PCDH9: variants seen among roughly 807,000 people sequenced by gnomAD.
PCDH9 encodes protocadherin 9.
A neutral mutation model predicts 70.6 loss-of-function variants in PCDH9; 24 were observed. The ratio of observed to expected loss-of-function variants is 0.34; its 90% CI spans 0.25 to 0.48. The LOEUF (loss-of-function observed/expected upper bound fraction) is 0.48. Among genes scored for constraint, PCDH9 ranks in the 20% least tolerant of loss-of-function variants. PCDH9 has a pLI of 0.99. For synonymous variants in PCDH9, 562 were observed against 558.5 expected, an observed-to-expected ratio of 1.01 and a Z score of -0.09; for missense variants, 1,281 against 1,503.6, an observed-to-expected ratio of 0.85 and a Z score of 2.45.
intron 4 of PCDH9, among the ~76,000 whole-genome samples, chr13:66,630,503 C>T (rs2077555901): frequency 6.6e-6 from 1 of 152,054 alleles, no homozygotes; most frequent in Non-Finnish European, 1.5e-5. Context: ...GAAAACACCC[C>T]CCAACAATGC....
intron 2 of PCDH9, among the ~76,000 whole-genome samples, chr13:67,154,649 C>T (rs1381907801): frequency 1.6e-5 from 2 of 128,138 alleles, no homozygotes; most frequent in African/African-American, 2.9e-5. Context: ...CACACACATA[C>T]AAGATACTCT....
intron 4 of PCDH9, among the ~76,000 whole-genome samples, chr13:66,354,612 G>A (rs1342131097): frequency 1.3e-5 from 2 of 152,034 alleles, no homozygotes; most frequent in African/African-American, 2.4e-5. Flanking sequence ...AAAAAAGAAT[G>A]CAAAAGAGTG....
At chr13:66,741,798 C>A (rs1213714835) in intron 3 of PCDH9, among the ~76,000 whole-genome samples, 931 of 35,770 alleles carry the variant, frequency 0.026, 42 homozygotes, top group African/African-American at 0.052. Context: ...ATGTGAAGGA[C>A]CTCTTCAAGG....
chr13:66,424,691 C>T (rs536346979), intron 4 of PCDH9, among the ~76,000 whole-genome samples: 2 of 151,902 alleles, frequency 1.3e-5, no homozygotes, highest in Admixed American at 1.3e-4. Flanking sequence ...TTTATATTAC[C>T]AGAACAAAAT....
chr13:66,893,407 C>T (rs548744057), intron 3 of PCDH9, among the ~76,000 whole-genome samples: 2 of 152,226 alleles, frequency 1.3e-5, no homozygotes, highest in Admixed American at 1.3e-4. Flanking sequence ...AAGAGCACAG[C>T]TTATCTGGGG....
intron 2 of PCDH9, among the ~76,000 whole-genome samples, chr13:67,191,113 A>G (rs2088897665): frequency 6.6e-6 from 1 of 152,122 alleles, no homozygotes; most frequent in Non-Finnish European, 1.5e-5. Context: ...AATGTCTTGA[A>G]GATATCCCTC....
chr13:66,843,546 C>T (rs1392586575), intron 3 of PCDH9, among the ~76,000 whole-genome samples: 1 of 152,236 alleles, frequency 6.6e-6, no homozygotes, highest in Non-Finnish European at 1.5e-5. Flanking sequence ...CAAACGTCTT[C>T]ACCTTCAGTC....
intron 4 of PCDH9, among the ~76,000 whole-genome samples, chr13:66,450,737 C>T (rs1050515977): frequency 4.6e-5 from 7 of 152,100 alleles, no homozygotes; most frequent in Non-Finnish European, 7.4e-5. Context: ...TCACTCAGGC[C>T]GGGCACGGTG....
chr13:66,416,756 G>A (rs1179565703), intron 4 of PCDH9, among the ~76,000 whole-genome samples: 1 of 152,076 alleles, frequency 6.6e-6, no homozygotes, highest in East Asian at 1.9e-4. Context: ...AACAAAATTG[G>A]TAGTCTGGCT....
At chr13:67,011,286 A>T (rs1305650106) in intron 2 of PCDH9, among the ~76,000 whole-genome samples, 1 of 151,936 alleles carries the variant, frequency 6.6e-6, no homozygotes, top group East Asian at 1.9e-4. Flanking sequence ...CTGCATTTAT[A>T]GTCTAAATTC....
At chr13:66,687,502 T>C (rs1475189741) in intron 3 of PCDH9, among the ~76,000 whole-genome samples, 2 of 152,152 alleles carry the variant, frequency 1.3e-5, no homozygotes, top group South Asian at 4.1e-4. Flanking sequence ...TCACTCTATG[T>C]AGATCTCTTC....
At chr13:66,857,102 T>C (rs1433887127) in intron 3 of PCDH9, among the ~76,000 whole-genome samples, 1 of 152,126 alleles carries the variant, frequency 6.6e-6, no homozygotes, top group Non-Finnish European at 1.5e-5. Flanking sequence ...TAACTTTCTA[T>C]TTTTCAAGAA....
intron 2 of PCDH9, among the ~76,000 whole-genome samples, chr13:66,971,844 G>A (rs1222018438): frequency 2.6e-5 from 4 of 151,838 alleles, no homozygotes; most frequent in Non-Finnish European, 5.9e-5. Flanking sequence ...ATTAGTCCTT[G>A]CTGTTTCACA....
rs182950596 is a variant in PCDH9, at chr13:66,822,345, G to A, written c.3138+81159C>T. On this transcript the variant is annotated intron_variant, in intron 3 of 4. Coordinates refer to ENST00000377865, the MANE Select transcript of PCDH9 (RefSeq NM_203487.3). ...GTTAAATGAAAGTTAAAATGAACAC[G>A]TTTTATGGATTACCAATATTGATAC... 6.8e-4 allele frequency among the ~76,000 whole-genome samples: 103 copies of A among 152,038 alleles called. 1 individual carries two copies. The highest frequency in any genetic ancestry group is 4.6e-3 in the South Asian group (22 of 4,814).
chr13:67,138,174 C>T (rs543441008), intron 2 of PCDH9, among the ~76,000 whole-genome samples: 2 of 152,204 alleles, frequency 1.3e-5, no homozygotes, highest in African/African-American at 4.8e-5. Context: ...GAGCAAAGTA[C>T]TCTGTCTCAT....
At chr13:67,003,758 T>C (rs952708326) in intron 2 of PCDH9, among the ~76,000 whole-genome samples, 1 of 152,238 alleles carries the variant, frequency 6.6e-6, no homozygotes, top group Non-Finnish European at 1.5e-5. Flanking sequence ...CTCTAGTCTA[T>C]TCATTATAAC....
intron 2 of PCDH9, among the ~76,000 whole-genome samples, chr13:67,106,879 T>C (rs1180857384): frequency 6.6e-6 from 1 of 152,188 alleles, no homozygotes; most frequent in Non-Finnish European, 1.5e-5. Flanking sequence ...GCCCTGTGTG[T>C]GGGCACTCAG....
At chr13:67,137,308 G>T (rs919712932) in intron 2 of PCDH9, among the ~76,000 whole-genome samples, 10 of 152,002 alleles carry the variant, frequency 6.6e-5, no homozygotes, top group Non-Finnish European at 1.5e-4. Flanking sequence ...AAGATAACTG[G>T]GTGGTAAACT....
chr13:66,842,031 G>T (rs2081124399), intron 3 of PCDH9, among the ~76,000 whole-genome samples: 4 of 152,176 alleles, frequency 2.6e-5, no homozygotes, highest in Admixed American at 2.6e-4. Flanking sequence ...AGGATTCTTA[G>T]CTTGGGAAAT....
Sources: allele counts gnomAD v4.1 joint callset (sites outside exome capture counted in the v4.1 genomes callset), GRCh38; gene constraint gnomAD v4.1.1; transcripts MANE v1.5; gene names NCBI Gene and HGNC (gene_info 2026-07-23, HGNC 2026-07-21).